The following PATJ variants were observed in gnomAD, a reference collection of about 807,000 sequenced individuals.
The protein encoded by PATJ is PATJ crumbs cell polarity complex component.
In PATJ, 190 loss-of-function variants were observed where a neutral mutation model predicts 224.9. That is an observed-to-expected ratio of 0.84 (90% CI 0.75 to 0.95). The LOEUF is 0.95. Ranked by LOEUF, PATJ falls within the 40% of genes least tolerant of loss-of-function variation. The pLI, the probability that PATJ is intolerant of heterozygous loss-of-function variation, is 0.00. For missense variants in PATJ, 2,121 were observed against 2,270.3 expected (o/e 0.93, Z 1.34); for synonymous variants, 769 against 820.3 (o/e 0.94, Z 1.07).
intron 27 of PATJ, among the ~76,000 whole-genome samples, chr1:61,981,450 G>A (rs1335354275): frequency 6.6e-6 from 1 of 151,930 alleles, no homozygotes; most frequent in Non-Finnish European, 1.5e-5. Flanking sequence ...CAAGGTTCAT[G>A]GCTGAGACCC....
intron 38 of PATJ, among the ~76,000 whole-genome samples, chr1:62,121,728 C>A (rs139532600): frequency 2.0e-5 from 3 of 151,364 alleles, no homozygotes; most frequent in Non-Finnish European, 4.4e-5. Flanking sequence ...GAGCCAAGAT[C>A]GTGCCACTGC....
intron 27 of PATJ, among the ~76,000 whole-genome samples, chr1:61,989,072 G>A (rs559365702): frequency 6.6e-6 from 1 of 152,170 alleles, no homozygotes; most frequent in Non-Finnish European, 1.5e-5. Context: ...CACAGCACAT[G>A]CTTAAAGCAG....
At chr1:61,888,619 C>A (rs1260797820) in intron 22 of PATJ, among the ~76,000 whole-genome samples, 1 of 152,136 alleles carries the variant, frequency 6.6e-6, no homozygotes, top group Non-Finnish European at 1.5e-5. Flanking sequence ...TTGAATCTGG[C>A]AGAAGAATGC....
intron 14 of PATJ, chr1:61,816,299 G>A (rs1272199544): frequency 6.6e-6 from 1 of 151,994 alleles, no homozygotes; most frequent in African/African-American, 2.4e-5. Context: ...AACCTTATTG[G>A]TCAGCAAGCA....
intron 22 of PATJ, among the ~76,000 whole-genome samples, chr1:61,890,419 T>C (rs1234066031): frequency 3.9e-5 from 6 of 152,168 alleles, no homozygotes; most frequent in Non-Finnish European, 8.8e-5. Context: ...TTCGAGGTTA[T>C]AGCAAGCTAT....
intron 28 of PATJ, among the ~76,000 whole-genome samples, chr1:62,010,246 G>A (rs1646362707): frequency 1.3e-5 from 2 of 151,952 alleles, no homozygotes; most frequent in Non-Finnish European, 2.9e-5. Flanking sequence ...CACACCTGCA[G>A]TGACTTCCTT....
At chr1:61,889,609 TACTGCAGCAG>T (rs1176364727) in intron 22 of PATJ, among the ~76,000 whole-genome samples, 1 of 152,218 alleles carries the variant, frequency 6.6e-6, no homozygotes, top group Non-Finnish European at 1.5e-5. Context: ...AATAGATCAG[TACTGCAGCAG>T]TTGATCTGAT....
intron 1 of PATJ, among the ~76,000 whole-genome samples, chr1:61,760,865 G>A (rs564762507): frequency 5.3e-5 from 8 of 152,174 alleles, no homozygotes; most frequent in South Asian, 2.1e-4. Flanking sequence ...CACCCACCTC[G>A]ATCTCTCCAA....
At chr1:62,020,867 C>T (rs1283442301) in intron 29 of PATJ, among the ~76,000 whole-genome samples, 1 of 152,114 alleles carries the variant, frequency 6.6e-6, no homozygotes, top group Non-Finnish European at 1.5e-5. Flanking sequence ...GCTCTGTCAC[C>T]CAGGCTGGAG....
intron 17 of PATJ, among the ~76,000 whole-genome samples, chr1:61,845,496 T>C (rs1034571876): frequency 6.6e-6 from 1 of 152,226 alleles, no homozygotes; most frequent in Non-Finnish European, 1.5e-5. Flanking sequence ...ATCCCTTGCC[T>C]TTACTCCTCT....
At chr1:61,896,133 C>A (rs1432363876) in intron 22 of PATJ, among the ~76,000 whole-genome samples, 8 of 152,048 alleles carry the variant, frequency 5.3e-5, no homozygotes, top group African/African-American at 1.9e-4. Flanking sequence ...CCTGTCTCTA[C>A]TAAAAATACA....
At chr1:61,790,207 GAA>G (rs35646597) in intron 8 of PATJ, among the ~76,000 whole-genome samples, 1 of 114,132 alleles carries the variant, frequency 8.8e-6, no homozygotes. Flanking sequence ...CTGTCTCTGA[GAA>G]AAAAAAAAAA....
intron 28 of PATJ, among the ~76,000 whole-genome samples, chr1:62,004,619 A>C (rs1645981650): frequency 6.6e-6 from 1 of 152,186 alleles, no homozygotes; most frequent in South Asian, 2.1e-4. Flanking sequence ...ACTGTGCCTC[A>C]ATTTCTCCAT....
intron 27 of PATJ, among the ~76,000 whole-genome samples, 157 bp downstream of exon 27, chr1:61,927,986 G>A (rs980485435): frequency 6.6e-5 from 10 of 152,250 alleles, no homozygotes; most frequent in South Asian, 2.1e-4. Context: ...CTTTTGTGGC[G>A]TCATTTCCTA....
At chr1:62,091,782 A>G (rs1487788199) in intron 33 of PATJ, among the ~76,000 whole-genome samples, 1 of 152,078 alleles carries the variant, frequency 6.6e-6, no homozygotes, top group Non-Finnish European at 1.5e-5. Context: ...TAGGCTGGAC[A>G]GGGTGGCTCA....
At chr1:61,872,851 C>G (rs1666828828) in intron 20 of PATJ, among the ~76,000 whole-genome samples, 1 of 152,188 alleles carries the variant, frequency 6.6e-6, no homozygotes, top group Admixed American at 6.5e-5. Flanking sequence ...TCAGTAAATT[C>G]TCTTTACTAC....
At chr1:61,904,429 G>A (rs1363911487) in intron 24 of PATJ, among the ~76,000 whole-genome samples, 4 of 152,144 alleles carry the variant, frequency 2.6e-5, no homozygotes, top group Non-Finnish European at 5.9e-5. Flanking sequence ...TCAATCCGTA[G>A]TTTATTCAGA....
intron 33 of PATJ, among the ~76,000 whole-genome samples, chr1:62,103,374 A>G (rs1165086576): frequency 6.6e-6 from 1 of 152,204 alleles, no homozygotes; most frequent in African/African-American, 2.4e-5. Context: ...ATGAGTTGTT[A>G]TGAGGATTAA....
intron 27 of PATJ, among the ~76,000 whole-genome samples, chr1:61,984,753 T>G (rs1452921975): frequency 2.0e-5 from 3 of 152,030 alleles, no homozygotes; most frequent in African/African-American, 4.8e-5. Context: ...TTTGCAGATA[T>G]TAGTTGTTTT....
Sources: gnomAD v4.1 joint callset for allele counts (sites outside exome capture counted in the v4.1 genomes callset) on GRCh38, gnomAD v4.1.1 for gene constraint, MANE v1.5 for transcripts, NCBI Gene and HGNC (gene_info 2026-07-23, HGNC 2026-07-21) for gene names.